COL4A5: variants seen among roughly 807,000 people sequenced by gnomAD.
COL4A5 encodes collagen type IV alpha 5 chain.
In COL4A5, 26 loss-of-function variants were observed where a neutral mutation model predicts 130.2. The observed-to-expected ratio is 0.20, with a 90% CI of 0.15 to 0.28. The LOEUF is 0.28. Among genes scored for constraint, COL4A5 ranks in the 10% least tolerant of loss-of-function variants. COL4A5 has a pLI of 1.00. For missense variants in COL4A5, 1,131 were observed against 1,344.3 expected (o/e 0.84, Z 2.48); for synonymous variants, 496 against 439.6 (o/e 1.13, Z -1.60).
chrX:108,526,743 T>C (rs868738050), intron 1 of COL4A5, among the ~76,000 whole-genome samples: 1 of 96,397 alleles, frequency 1.0e-5, no homozygotes, highest in African/African-American at 3.8e-5. Context: ...TCCTCCTCCT[T>C]CTTCTTCTTT....
intron 31 of COL4A5, among the ~76,000 whole-genome samples, chrX:108,621,288 G>A (rs767101094): frequency 9.3e-6 from 1 of 107,520 alleles, no homozygotes; most frequent in East Asian, 2.9e-4. Flanking sequence ...CTCCCAAGTA[G>A]CTGGGACTAC....
chrX:108,588,575 A>C (rs752426591), intron 19 of COL4A5, among the ~76,000 whole-genome samples: 2 of 110,768 alleles, frequency 1.8e-5, no homozygotes, highest in South Asian at 3.8e-4. Flanking sequence ...GGAGGAGAGA[A>C]TGGGACAAGA....
At chrX:108,655,589 A>C in intron 37 of COL4A5, 132 bp downstream of exon 37, 30 of 756,245 alleles carry the variant, frequency 4.0e-5, no homozygotes, top group Non-Finnish European at 4.8e-5. Flanking sequence ...ACATAATCTC[A>C]AACTATCTCT....
At chrX:108,543,301 G>T (rs773674495) in intron 2 of COL4A5, among the ~76,000 whole-genome samples, 3 of 111,839 alleles carry the variant, frequency 2.7e-5, no homozygotes, top group African/African-American at 9.8e-5. Flanking sequence ...GTAAGGAAGG[G>T]ATCCAGTTTC....
At chrX:108,603,474 G>A (rs899364869) in intron 28 of COL4A5, among the ~76,000 whole-genome samples, 5 of 110,831 alleles carry the variant, frequency 4.5e-5, no homozygotes, top group Admixed American at 9.6e-5. Flanking sequence ...TAAAGTGTGC[G>A]ATAGCATTAG....
At chrX:108,649,563 T>G (rs2067678745) in intron 36 of COL4A5, among the ~76,000 whole-genome samples, 1 of 111,816 alleles carries the variant, frequency 8.9e-6, no homozygotes, top group African/African-American at 3.3e-5. Flanking sequence ...AATAGGCACA[T>G]AGACCGATGG....
intron 1 of COL4A5, among the ~76,000 whole-genome samples, chrX:108,508,032 G>T (rs1245151326): frequency 1.8e-5 from 2 of 111,003 alleles, no homozygotes; most frequent in Non-Finnish European, 3.8e-5. Flanking sequence ...TGGAAGTCCT[G>T]GCCAGAGCAG....
intron 1 of COL4A5, among the ~76,000 whole-genome samples, chrX:108,483,032 A>G (rs1471454574): frequency 9.0e-6 from 1 of 111,629 alleles, no homozygotes; most frequent in East Asian, 2.8e-4. Context: ...ATTGTTCTCC[A>G]TACTATTTGA....
intron 1 of COL4A5, among the ~76,000 whole-genome samples, chrX:108,472,425 C>T (rs936349776): frequency 2.7e-5 from 3 of 111,770 alleles, no homozygotes; most frequent in Non-Finnish European, 3.8e-5. Flanking sequence ...AATTGATTTT[C>T]GAAGTATCCA....
intron 1 of COL4A5, among the ~76,000 whole-genome samples, chrX:108,510,933 G>A (rs1489372850): frequency 9.0e-6 from 1 of 111,093 alleles, no homozygotes; most frequent in Non-Finnish European, 1.9e-5. Context: ...GATCAGATTT[G>A]GTAACTAGCA....
intron 41 of COL4A5, among the ~76,000 whole-genome samples, chrX:108,669,712 T>G (rs1434541398): frequency 8.9e-6 from 1 of 112,188 alleles, no homozygotes; most frequent in African/African-American, 3.2e-5. Context: ...TATTCGTTCT[T>G]ACTAGTAATG....
At chrX:108,498,784 G>T (rs1028981373) in intron 1 of COL4A5, among the ~76,000 whole-genome samples, 1 of 110,965 alleles carries the variant, frequency 9.0e-6, no homozygotes, top group Non-Finnish European at 1.9e-5. Flanking sequence ...ATTGTAAATG[G>T]TATTAGTATA....
intron 1 of COL4A5, among the ~76,000 whole-genome samples, chrX:108,534,254 G>T (rs959689780): frequency 9.0e-6 from 1 of 111,253 alleles, no homozygotes; most frequent in Non-Finnish European, 1.9e-5. Context: ...CAAAGGTAAA[G>T]AAATCAATAT....
intron 28 of COL4A5, among the ~76,000 whole-genome samples, 188 bp from the exon 29 acceptor site, chrX:108,606,554 C>T (rs1453606893): frequency 1.8e-5 from 2 of 110,370 alleles, no homozygotes; most frequent in Non-Finnish European, 3.8e-5. Context: ...TTTACTAAAC[C>T]CTGTTTCCAA....
At position 108,665,511 on chromosome X, in the gene COL4A5, C is replaced by T. The variant is rs1392659283; in HGVS notation, c.3378C>T (p.Thr1126=). The part of the protein sequence containing the change: ...GQPGLPGFPG[T]PGPPGPKGIS... ...AAATTGAGCTCTTTACTCTAGGAAC[C>T]CCAGGCCCTCCTGGACCAAAAGGTA... Residue 1126 remains threonine (T), a synonymous_variant, in exon 38 of 53, where the codon ACC becomes ACT. Transcript: ENST00000328300. 1 of 1,203,259 alleles carries T rather than the reference C, an allele frequency of 8.3e-7. No homozygotes were observed. The highest frequency in any genetic ancestry group is 2.2e-5 in the Admixed American group (1 of 45,905).
chrX:108,668,378 A>G lies in COL4A5; in HGVS notation c.3664A>G (p.Lys1222Glu), dbSNP rs1231382796. 8.3e-7 allele frequency: 1 copy of G among 1,209,676 alleles called. No homozygotes were observed. Among genetic ancestry groups the G allele is most frequent in the East Asian group, 3.0e-5 (1 of 33,723 alleles). ...AGGAAATCCTGGCCTTCCAGGTCCA[A>G]AGGGCGAACCAGGCTTTCACGGTTT... ...IPGNPGLPGP[K>E]GEPGFHGFPG... The change falls in exon 41 of 53, where the codon AAG (lysine) becomes GAG (glutamate). Residue 1222 changes from lysine to glutamate, a missense_variant. Lys to Glu is a moderately conservative substitution (Grantham distance 56). Transcript: ENST00000328300.
intron 36 of COL4A5, among the ~76,000 whole-genome samples, chrX:108,641,038 C>T (rs748583582): frequency 4.5e-5 from 5 of 111,754 alleles, no homozygotes; most frequent in Non-Finnish European, 9.4e-5. Flanking sequence ...TACCACTTCA[C>T]ACTTACTTGA....
At chrX:108,656,149 A>C (rs2147936598) in intron 37 of COL4A5, among the ~76,000 whole-genome samples, 1 of 111,572 alleles carries the variant, frequency 9.0e-6, no homozygotes, top group East Asian at 2.8e-4. Context: ...TCATCCCACG[A>C]AGTTTACCCA....
intron 1 of COL4A5, among the ~76,000 whole-genome samples, chrX:108,534,201 G>A (rs1020639790): frequency 1.8e-5 from 2 of 110,673 alleles, no homozygotes; most frequent in African/African-American, 6.6e-5. Flanking sequence ...ACTAAACATA[G>A]CATCACCATA....
Sources: gnomAD v4.1 joint callset for allele counts (sites outside exome capture counted in the v4.1 genomes callset) on GRCh38, gnomAD v4.1.1 for gene constraint, MANE v1.5 for transcripts, NCBI Gene and HGNC (gene_info 2026-07-23, HGNC 2026-07-21) for gene names.